The following TET3 variants were observed in gnomAD, a reference collection of about 807,000 sequenced individuals.
TET3 encodes the protein methylcytosine dioxygenase TET3.
TET3 carries 19 observed loss-of-function variants against 141.4 expected under a neutral mutation model. That is an observed-to-expected ratio of 0.13 (90% CI 0.09 to 0.20). The LOEUF (loss-of-function observed/expected upper bound fraction) is 0.20, where lower values mean the gene tolerates loss of function less well. Ranked by LOEUF, TET3 falls within the 10% of genes least tolerant of loss-of-function variation. The pLI, the probability that TET3 is intolerant of heterozygous loss-of-function variation, is 1.00. For missense variants in TET3, 1,874 were observed against 2,356.9 expected (o/e 0.80, Z 4.24); for synonymous variants, 1,043 against 980.9 (o/e 1.06, Z -1.18).
the TET3 span, chr2:74,120,948 C>T: frequency 6.6e-6 from 1 of 152,006 alleles, no homozygotes; most frequent in Non-Finnish European, 1.5e-5. Context: ...CGTGGAGTTA[C>T]AAGGGCATGT....
chr2:74,101,533 T>A lies in TET3; in HGVS notation c.4745T>A (p.Phe1582Tyr), dbSNP rs1691216225. 1 of 1,611,046 alleles carries A rather than the reference T, an allele frequency of 6.2e-7. No individual in the cohort carries two copies. Among genetic ancestry groups the A allele is most frequent in the African/African-American group, 1.3e-5 (1 of 74,970 alleles). The change falls in exon 12 of 12, where the codon TTT becomes TAT. Residue 1582 changes from phenylalanine to tyrosine, a missense_variant. Physicochemically the swap from Phe to Tyr is conservative, Grantham distance 22. Around this residue, in one of 10 missense-constraint regions of TET3, gnomAD observed 602 missense variants for 590.2 expected, o/e 1.02. Transcript: ENST00000409262. This position sits in a 1 kb window ranked among gnomAD's most constrained non-coding sequence, Gnocchi z 8.5. ...CAGCTGGACAGGGCCTGGCAGTCCTTTGGTCTGCCCCTGGGATCCAGCGAG... is the reference window on the plus strand; with the variant it reads ...CAGCTGGACAGGGCCTGGCAGTCCTATGGTCTGCCCCTGGGATCCAGCGAG... Reference protein sequence around the residue: ...ASQLDRAWQSFGLPLGSSEKL... With the variant: ...ASQLDRAWQSYGLPLGSSEKL...
intron 6 of TET3, among the ~76,000 whole-genome samples, chr2:74,084,646 G>A (rs1055419966): frequency 3.3e-5 from 5 of 152,048 alleles, no homozygotes; most frequent in Non-Finnish European, 5.9e-5. Flanking sequence ...GTAGAGATGG[G>A]GTTTCACTGT....
rs370301450 is a variant in TET3 at position 73,992,313 on chromosome 2, T to TG, written c.303+5607_303+5608insG. 1.1e-4 allele frequency among the ~76,000 whole-genome samples: 16 copies of TG among 151,374 alleles called. No individual in the cohort carries two copies. In the East Asian group the frequency reaches 3.1e-3, roughly 29 times the overall value. ...CAATCTTTTTTTCTTTTCTTTTTTT[T>TG]TTTTGTTTTGTTTTGTTTGAGATGG... On this transcript the variant is annotated intron_variant, in intron 2 of 11. Coordinates refer to ENST00000409262, the MANE Select transcript of TET3 (RefSeq NM_001287491.2).
At chr2:74,120,199 G>T in the TET3 span, among the ~76,000 whole-genome samples, 1 of 152,186 alleles carries the variant, frequency 6.6e-6, no homozygotes, top group Non-Finnish European at 1.5e-5. Flanking sequence ...CTAGGCGCCC[G>T]GCTCCCGGCT....
At chr2:74,124,685 G>A in the TET3 span, among the ~76,000 whole-genome samples, 2 of 152,064 alleles carry the variant, frequency 1.3e-5, no homozygotes, top group East Asian at 3.9e-4. Flanking sequence ...TGGATTAAGG[G>A]CGGTGCAAGA....
intron 4 of TET3, among the ~76,000 whole-genome samples, chr2:74,060,397 G>T (rs1435892300): frequency 6.6e-6 from 1 of 152,060 alleles, no homozygotes; most frequent in African/African-American, 2.4e-5. Context: ...GGATATATGG[G>T]TTCTTAGCTG....
chr2:74,051,694 T>G (rs1228734792), intron 4 of TET3, among the ~76,000 whole-genome samples: 1 of 152,226 alleles, frequency 6.6e-6, no homozygotes, highest in Non-Finnish European at 1.5e-5. Context: ...ACCACCTCAC[T>G]TAATCCTCAT....
chr2:74,103,190 A>G lies in TET3; in HGVS notation c.*1014A>G, dbSNP rs1279195449. On this transcript the variant is annotated 3_prime_UTR_variant, in exon 12 of 12. Coordinates refer to ENST00000409262, the MANE Select transcript of TET3 (RefSeq NM_001287491.2). ...CCCCAAAGTCTATGCTGATACTGAAAAAGGGCTACTGTATCTTTAAAAACA... is the reference window on the plus strand; with the variant it reads ...CCCCAAAGTCTATGCTGATACTGAAGAAGGGCTACTGTATCTTTAAAAACA... 1 of 152,328 alleles carries G rather than the reference A, an allele frequency of 6.6e-6. No individual in the cohort carries two copies. Among genetic ancestry groups the G allele is most frequent in the Non-Finnish European group, 1.5e-5 (1 of 68,082 alleles). The allele number at this position is 152,328 out of a possible 1,614,324, so 9.4% of individuals were successfully genotyped here.
In TET3 at chr2:74,003,148, A is replaced by G. The variant is rs1684952885; in HGVS notation, c.342A>G (p.Gly114=). The change falls in exon 3 of 12, where the codon GGA becomes GGG. Residue 114 remains glycine, a synonymous_variant. Coordinates refer to ENST00000409262, the MANE Select transcript of TET3 (RefSeq NM_001287491.2). ...CTGGTGAAGGAGCCGGGCCGTGGGG[A>G]CAAGGAGCGGCTGTCAAGGTACCTT... The part of the protein sequence containing the change: ...IKAGEGAGPW[G]QGAAVKTGSE... The G allele has an allele frequency of 6.5e-7, 1 of 1,550,092 alleles. No individual in the cohort carries two copies. The highest frequency in any genetic ancestry group is 8.7e-7 in the Non-Finnish European group (1 of 1,146,890).
chr2:74,027,021 T>G (rs1686402706), intron 3 of TET3, among the ~76,000 whole-genome samples: 1 of 152,240 alleles, frequency 6.6e-6, no homozygotes, highest in South Asian at 2.1e-4. Flanking sequence ...ACCACTACTT[T>G]CCCTGAGATA....
At chr2:74,084,723 G>A (rs888478712) in intron 6 of TET3, among the ~76,000 whole-genome samples, 1 of 152,092 alleles carries the variant, frequency 6.6e-6, no homozygotes, top group Non-Finnish European at 1.5e-5. Flanking sequence ...AAAGTGCTGG[G>A]ATTACAGGCA....
At chr2:74,083,582 A>G (rs992857631) in intron 6 of TET3, among the ~76,000 whole-genome samples, 1 of 152,124 alleles carries the variant, frequency 6.6e-6, no homozygotes, top group African/African-American at 2.4e-5. Context: ...TGCTCTGCTC[A>G]GGTATGGATG....
chr2:74,086,861 A>G (rs1284395847), intron 6 of TET3, among the ~76,000 whole-genome samples: 1 of 151,792 alleles, frequency 6.6e-6, no homozygotes, highest in East Asian at 1.9e-4. Context: ...TTCAGTGTAC[A>G]GGTTGGTGGC....
At chr2:74,121,452 G>C in the TET3 span, 1 of 152,212 alleles carries the variant, frequency 6.6e-6, no homozygotes, top group South Asian at 2.1e-4. Context: ...GTCACAGCTG[G>C]TAATAAAAAC....
chr2:74,037,759 A>G (rs2105321301), intron 3 of TET3, among the ~76,000 whole-genome samples: 1 of 152,284 alleles, frequency 6.6e-6, no homozygotes, highest in East Asian at 1.9e-4. Context: ...CCCCTTTCTT[A>G]AAGGCCTTAA....
chr2:74,124,694 G>T, the TET3 span, among the ~76,000 whole-genome samples: 1 of 152,134 alleles, frequency 6.6e-6, no homozygotes, highest in Non-Finnish European at 1.5e-5. Flanking sequence ...GGCGGTGCAA[G>T]ATGTGCTTTG....
intron 4 of TET3, among the ~76,000 whole-genome samples, chr2:74,065,822 G>A (rs1198970803): frequency 1.3e-5 from 2 of 150,180 alleles, no homozygotes; most frequent in Non-Finnish European, 3.0e-5. Flanking sequence ...GCAGTGGTGC[G>A]ACCTCAGCTC....
At chr2:74,002,713 C>G (rs1303929192) in intron 2 of TET3, 2 of 440,952 alleles carry the variant, frequency 4.5e-6, no homozygotes, top group Non-Finnish European at 7.9e-6. Flanking sequence ...CTGGCCGCCG[C>G]CTCCTCTGCA....
At chr2:74,056,156 G>C (rs764466805) in intron 4 of TET3, among the ~76,000 whole-genome samples, 1 of 152,176 alleles carries the variant, frequency 6.6e-6, no homozygotes. Context: ...TCATAAAAAA[G>C]AAATGCCTCA....
Sources: allele counts gnomAD v4.1 joint callset (sites outside exome capture counted in the v4.1 genomes callset), GRCh38; gene constraint gnomAD v4.1.1; regional missense constraint gnomAD v4.1.1; non-coding constraint Gnocchi (gnomAD v3.1); transcripts MANE v1.5; gene names NCBI Gene and HGNC (gene_info 2026-07-23, HGNC 2026-07-21).